Variants in XNDC1N observed in about 807,000 individuals in gnomAD.
The protein encoded by XNDC1N is XRCC1 N-terminal domain containing 1, N-terminal like.
chr11:71,910,952 G>C, the XNDC1N span, among the ~76,000 whole-genome samples: 1 of 152,206 alleles, frequency 6.6e-6, no homozygotes. Context: ...CCCCAGCCCT[G>C]GGGCTACCTG....
chr11:71,883,951 A>G, the XNDC1N span, among the ~76,000 whole-genome samples: 2 of 152,114 alleles, frequency 1.3e-5, no homozygotes, highest in Non-Finnish European at 2.9e-5. Flanking sequence ...CCACTTTTCC[A>G]CCACCATATC....
the XNDC1N span, among the ~76,000 whole-genome samples, chr11:71,870,464 T>C: frequency 6.6e-6 from 1 of 152,170 alleles, no homozygotes; most frequent in African/African-American, 2.4e-5. Flanking sequence ...ATTGGACATC[T>C]TAAGTTCTAA....
chr11:71,905,852 G>A, the XNDC1N span, among the ~76,000 whole-genome samples: 1 of 152,002 alleles, frequency 6.6e-6, no homozygotes, highest in Non-Finnish European at 1.5e-5. Flanking sequence ...TATTATCCCA[G>A]TGGGTGTAGC....
the XNDC1N span, among the ~76,000 whole-genome samples, chr11:71,899,243 T>C: frequency 2.6e-5 from 4 of 152,122 alleles, no homozygotes; most frequent in African/African-American, 9.7e-5. Context: ...CCGTCACCTG[T>C]ATCACCCTGT....
the XNDC1N span, chr11:71,894,333 C>T: frequency 1.7e-3 from 676 of 389,760 alleles, 1 homozygote; most frequent in African/African-American, 0.013. Context: ...TGAACCTTTT[C>T]ATCTACAGCC....
chr11:71,907,727 C>A, the XNDC1N span, among the ~76,000 whole-genome samples: 2 of 152,108 alleles, frequency 1.3e-5, no homozygotes, highest in Admixed American at 1.3e-4. Flanking sequence ...GGGGACGTGT[C>A]CACTTTCTGT....
chr11:71,919,868 C>A, the XNDC1N span, among the ~76,000 whole-genome samples: 1 of 145,956 alleles, frequency 6.9e-6, no homozygotes, highest in Admixed American at 6.9e-5. Flanking sequence ...CCGCCCGCCT[C>A]GGCCTCCCAA....
At chr11:71,875,239 A>G in the XNDC1N span, among the ~76,000 whole-genome samples, 2 of 151,912 alleles carry the variant, frequency 1.3e-5, no homozygotes, top group Non-Finnish European at 2.9e-5. Context: ...ATAAAGTAAT[A>G]CTTATTAATA....
At chr11:71,919,214 C>G in the XNDC1N span, among the ~76,000 whole-genome samples, 1 of 152,142 alleles carries the variant, frequency 6.6e-6, no homozygotes, top group Non-Finnish European at 1.5e-5. Flanking sequence ...CCATTTTTCT[C>G]TATCCCATTT....
At chr11:71,928,309 A>T in the XNDC1N span, 1 of 607,036 alleles carries the variant, frequency 1.6e-6, no homozygotes, top group East Asian at 2.8e-5. Context: ...CTTGATGGCC[A>T]CCCTCCTCCC....
the XNDC1N span, among the ~76,000 whole-genome samples, chr11:71,888,930 T>C: frequency 1.3e-5 from 2 of 152,196 alleles, no homozygotes; most frequent in African/African-American, 4.8e-5. Flanking sequence ...TTGGACTCAA[T>C]TGACTCTAGC....
chr11:71,874,729 G>C, the XNDC1N span, among the ~76,000 whole-genome samples: 2 of 152,092 alleles, frequency 1.3e-5, no homozygotes, highest in African/African-American at 4.8e-5. Context: ...CTATAGACTT[G>C]ATCAACTCAA....
chr11:71,907,723 G>T, the XNDC1N span, among the ~76,000 whole-genome samples: 2 of 152,078 alleles, frequency 1.3e-5, no homozygotes, highest in Non-Finnish European at 2.9e-5. Context: ...AGTTGGGGAC[G>T]TGTCCACTTT....
chr11:71,877,580 G>A, the XNDC1N span, among the ~76,000 whole-genome samples: 3 of 152,264 alleles, frequency 2.0e-5, no homozygotes, highest in Non-Finnish European at 2.9e-5. Flanking sequence ...AGAGGTTGCA[G>A]TGAGCCAAGA....
At chr11:71,879,951 T>A in the XNDC1N span, among the ~76,000 whole-genome samples, 1 of 152,090 alleles carries the variant, frequency 6.6e-6, no homozygotes, top group South Asian at 2.1e-4. Flanking sequence ...CATCAGTATA[T>A]CCCACTTTAA....
At chr11:71,894,139 T>G in the XNDC1N span, 1 of 535,514 alleles carries the variant, frequency 1.9e-6, no homozygotes, top group Middle Eastern at 3.4e-4. Flanking sequence ...AATCGTCCCC[T>G]CCATTCTTAG....
the XNDC1N span, among the ~76,000 whole-genome samples, chr11:71,887,141 G>A: frequency 6.6e-6 from 1 of 152,212 alleles, no homozygotes; most frequent in Admixed American, 6.5e-5. Context: ...GTCGGGGGTG[G>A]AGACATTGAC....
the XNDC1N span, among the ~76,000 whole-genome samples, chr11:71,891,731 A>G: frequency 6.6e-6 from 1 of 151,382 alleles, no homozygotes; most frequent in Non-Finnish European, 1.5e-5. Flanking sequence ...AAAACAAAAA[A>G]GGGTGTACAA....
At chr11:71,889,113 C>T in the XNDC1N span, among the ~76,000 whole-genome samples, 1 of 152,196 alleles carries the variant, frequency 6.6e-6, no homozygotes, top group African/African-American at 2.4e-5. Context: ...AAGCTGAACT[C>T]ATTGCTTTCA....
Sources: gnomAD v4.1 joint callset for allele counts (sites outside exome capture counted in the v4.1 genomes callset) on GRCh38, gnomAD v4.1.1 for gene constraint, MANE v1.5 for transcripts, NCBI Gene and HGNC (gene_info 2026-07-23, HGNC 2026-07-21) for gene names.